ADAMTSL1: variants seen among roughly 807,000 people sequenced by gnomAD.
ADAMTSL1 encodes ADAMTS-like protein 1.
In ADAMTSL1, 126 loss-of-function variants were observed where a neutral mutation model predicts 201.8. The ratio of observed to expected loss-of-function variants is 0.62; its 90% confidence interval spans 0.54 to 0.72. The LOEUF is 0.72. Among genes scored for constraint, ADAMTSL1 ranks in the 30% least tolerant of loss-of-function variants. The pLI is 0.00. For missense variants in ADAMTSL1, 2,679 were observed against 2,277.8 expected (o/e 1.18, Z -3.59); for synonymous variants, 1,121 against 903.4 (o/e 1.24, Z -4.32).
intron 1 of ADAMTSL1, among the ~76,000 whole-genome samples, chr9:17,949,205 T>A (rs1213556833): frequency 6.6e-6 from 1 of 152,082 alleles, no homozygotes; most frequent in Non-Finnish European, 1.5e-5. Context: ...GAGGTTAAAT[T>A]TTGAAGATTT....
At position 18,077,105 on chromosome 9, in the gene ADAMTSL1, A is replaced by G. The variant is rs543290576; in HGVS notation, c.88-86757A>G. ...TGGGAGGAGGAGGAGGAGGGTGGAG[A>G]TTTATTGGTCTATTTTGGACCAGTG... On this transcript the variant is annotated intron_variant, in intron 1 of 29. Transcript: ENST00000680146. Among the ~76,000 whole-genome samples the G allele has an allele frequency of 9.9e-5, 15 of 152,198 alleles. No homozygotes were observed. In the East Asian group the frequency reaches 2.5e-3, roughly 25 times the overall value.
chr9:18,609,495 C>T (rs1346332066), intron 4 of ADAMTSL1, among the ~76,000 whole-genome samples: 1 of 151,930 alleles, frequency 6.6e-6, no homozygotes, highest in African/African-American at 2.4e-5. Context: ...GAGTATATTC[C>T]TTCAATGGAA....
chr9:18,890,679 C>A (rs1588319716), intron 25 of ADAMTSL1: 1 of 445,030 alleles, frequency 2.2e-6, no homozygotes, highest in Non-Finnish European at 4.5e-6. Flanking sequence ...CCTTTTATAC[C>A]CTTCCTGAAC....
chr9:18,552,988 C>T (rs1820877394), intron 3 of ADAMTSL1, among the ~76,000 whole-genome samples: 1 of 151,336 alleles, frequency 6.6e-6, no homozygotes. Flanking sequence ...ACTATGGTTA[C>T]TGATAAAATT....
In ADAMTSL1 at chr9:18,860,891, G is replaced by A. The variant is rs544895117; in HGVS notation, c.4250-26940G>A. Among the ~76,000 whole-genome samples the A allele has an allele frequency of 8.7e-4, 133 of 152,318 alleles. 1 individual carries two copies. Among genetic ancestry groups the A allele is most frequent in the African/African-American group, 3.0e-3 (123 of 41,574 alleles). ...GCATAATTTCTGTCCCACAGTAAGC[G>A]TACTTGCTCTGTCCACGTCTGGATT... On this transcript the variant is annotated intron_variant, in intron 23 of 28. Transcript: ENST00000380548.
chr9:18,717,040 A>G (rs1832989504), intron 14 of ADAMTSL1, among the ~76,000 whole-genome samples: 1 of 144,476 alleles, frequency 6.9e-6, no homozygotes, highest in African/African-American at 2.5e-5. Flanking sequence ...GAACAATGAG[A>G]ACACATGGAC....
intron 2 of ADAMTSL1, among the ~76,000 whole-genome samples, chr9:18,248,964 C>T (rs180877643): frequency 1.3e-4 from 20 of 152,086 alleles, no homozygotes; most frequent in African/African-American, 4.1e-4. Context: ...CGTTCTGTAC[C>T]CTGTACACAG....
In ADAMTSL1 at chr9:17,965,235, T is replaced by G. The variant is rs571843156; in HGVS notation, c.87+58313T>G. On this transcript the variant is annotated intron_variant, in intron 1 of 29. Coordinates refer to the ADAMTSL1 transcript ENST00000680146. ...AGTTTCAATTTTTTTCCTATGAACATTTAAAGGGAGAAAATAGTTTTATAC... is the reference window on the plus strand; with the variant it reads ...AGTTTCAATTTTTTTCCTATGAACAGTTAAAGGGAGAAAATAGTTTTATAC... Among the ~76,000 whole-genome samples, 4 of 152,242 alleles carry G rather than the reference T, an allele frequency of 2.6e-5. No individual in the cohort carries two copies. The South Asian group carries it at 8.3e-4, about 32-fold the overall frequency.
At chr9:18,301,602 A>ATC (rs1444621844) in intron 2 of ADAMTSL1, among the ~76,000 whole-genome samples, 6 of 152,264 alleles carry the variant, frequency 3.9e-5, no homozygotes, top group African/African-American at 1.4e-4. Context: ...TGTGAATGTG[A>ATC]TCTCTCTCTC....
chr9:18,854,850 T>C (rs569229282), intron 23 of ADAMTSL1, among the ~76,000 whole-genome samples: 2 of 152,340 alleles, frequency 1.3e-5, no homozygotes, highest in African/African-American at 4.8e-5. Context: ...ATTAAATCTA[T>C]TCTCAAAATG....
chr9:18,207,877 T>TA (rs71333032), intron 2 of ADAMTSL1, among the ~76,000 whole-genome samples: 18,692 of 151,046 alleles, frequency 0.12, 1,324 homozygotes, highest in East Asian at 0.24. Context: ...TATAGAGTAC[T>TA]AAAAAAAAAC....
At chr9:18,179,904 C>A (rs1403831037) in intron 2 of ADAMTSL1, among the ~76,000 whole-genome samples, 1 of 152,046 alleles carries the variant, frequency 6.6e-6, no homozygotes. Context: ...ACAACAAGTA[C>A]CAGCCACTGC....
chr9:18,204,913 A>G (rs1829590654), intron 2 of ADAMTSL1, among the ~76,000 whole-genome samples: 1 of 152,148 alleles, frequency 6.6e-6, no homozygotes, highest in South Asian at 2.1e-4. Context: ...GTATTATGGC[A>G]TTCGTAGGGA....
At chr9:18,287,369 A>C (rs1833032277) in intron 2 of ADAMTSL1, among the ~76,000 whole-genome samples, 1 of 151,978 alleles carries the variant, frequency 6.6e-6, no homozygotes, top group South Asian at 2.1e-4. Context: ...ACATATACAC[A>C]CATACATGTA....
chr9:18,774,427 CT>C (rs1820865234), intron 17 of ADAMTSL1, among the ~76,000 whole-genome samples: 1 of 151,998 alleles, frequency 6.6e-6, no homozygotes, highest in East Asian at 1.9e-4. Context: ...AAATTATTAT[CT>C]TTTTTCTGGA....
At chr9:17,963,688 T>A (rs1159364305) in intron 1 of ADAMTSL1, among the ~76,000 whole-genome samples, 1 of 152,164 alleles carries the variant, frequency 6.6e-6, no homozygotes. Flanking sequence ...CATCAAGTAG[T>A]GCAGATTGAG....
At chr9:18,280,638 A>C (rs2265843) in intron 2 of ADAMTSL1, among the ~76,000 whole-genome samples, 4,377 of 152,192 alleles carry the variant, frequency 0.029, 214 homozygotes, top group African/African-American at 0.099. Flanking sequence ...ATTATTTGTC[A>C]CATGTGTTAA....
intron 2 of ADAMTSL1, among the ~76,000 whole-genome samples, chr9:18,340,010 C>T (rs1835403565): frequency 6.6e-6 from 1 of 152,124 alleles, no homozygotes; most frequent in Admixed American, 6.5e-5. Context: ...TCAGCAGTGC[C>T]CTTCCTGTTG....
intron 2 of ADAMTSL1, among the ~76,000 whole-genome samples, chr9:18,290,171 C>T (rs1419777549): frequency 6.6e-6 from 1 of 152,200 alleles, no homozygotes; most frequent in Non-Finnish European, 1.5e-5. Flanking sequence ...CTTGAACCCT[C>T]CACGTTCCTT....
Sources: allele counts gnomAD v4.1 joint callset (sites outside exome capture counted in the v4.1 genomes callset), GRCh38; gene constraint gnomAD v4.1.1; transcripts MANE v1.5; gene names NCBI Gene and HGNC (gene_info 2026-07-23, HGNC 2026-07-21).